Variants in CATSPERG observed in about 807,000 individuals in gnomAD.
CATSPERG encodes the protein catsper channel auxiliary subunit gamma.
Under a neutral mutation model 145.0 loss-of-function variants are expected in CATSPERG, and 115 were observed. The ratio of observed to expected loss-of-function variants is 0.79; its 90% CI spans 0.68 to 0.93. CATSPERG has a LOEUF of 0.93. Among genes scored for constraint, CATSPERG ranks in the 40% least tolerant of loss-of-function variants. CATSPERG has a pLI of 0.00. For synonymous variants in CATSPERG, 588 were observed against 589.0 expected, an observed-to-expected ratio of 1.00 and a Z score of 0.02; for missense variants, 1,296 against 1,490.1, an observed-to-expected ratio of 0.87 and a Z score of 2.14.
rs1203613330 is a variant in CATSPERG at position 38,364,983 on chromosome 19, G to A, written c.2556+12G>A. The A allele has an allele frequency of 6.2e-7, 1 of 1,613,820 alleles. No homozygotes were observed. Among genetic ancestry groups the A allele is most frequent in the Non-Finnish European group, 8.5e-7 (1 of 1,179,684 alleles). On this transcript the variant is annotated intron_variant, in intron 21 of 28. Coordinates refer to ENST00000409235, the MANE Select transcript of CATSPERG (RefSeq NM_021185.5). ...CCATGACGGTCAATGTGAGGTCCAA[G>A]CCTGGAGGGGAGGGTGCAGGATGGT...
At chr19:38,354,005 A>C (rs1251005266) in intron 8 of CATSPERG, among the ~76,000 whole-genome samples, 2 of 149,666 alleles carry the variant, frequency 1.3e-5, no homozygotes, top group Non-Finnish European at 3.0e-5. Flanking sequence ...AAAAAAAAAA[A>C]AAAAAAAAAA....
chr19:38,337,646 GGT>G lies in CATSPERG; in HGVS notation c.324+2_324+3del. The G allele has an allele frequency of 6.4e-7, 1 of 1,551,636 alleles. No homozygotes were observed. Among genetic ancestry groups the G allele is most frequent in the Non-Finnish European group, 8.7e-7 (1 of 1,146,922 alleles). On this transcript the variant is annotated splice_donor_variant, in intron 3 of 28. Coordinates refer to ENST00000409235, the MANE Select transcript of CATSPERG (RefSeq NM_021185.5). LOFTEE classifies it high-confidence loss of function. ...AGATCAACTACTCCTGCGAGGAAAA[GGT>G]GAGTGGGTGCAGCACGGATAGGCTC...
At chr19:38,348,195 G>C (rs750874371) in intron 7 of CATSPERG, among the ~76,000 whole-genome samples, 12 of 151,960 alleles carry the variant, frequency 7.9e-5, no homozygotes, top group Admixed American at 4.6e-4. Flanking sequence ...CTTTTGCTCT[G>C]TTGCCGAGGC....
chr19:38,344,777 A>C lies in CATSPERG; in HGVS notation c.669+409A>C, dbSNP rs200234907. Among the ~76,000 whole-genome samples the C allele has an allele frequency of 2.8e-4, 40 of 142,038 alleles. 3 individuals are homozygous for C. The East Asian group carries it at 8.4e-3, about 30-fold the overall frequency. 93.2% of individuals were successfully genotyped at this position (142,038 alleles called of 152,430 possible). Reference sequence around the variant, plus strand: ...ATATATAGTACATACCTGTACATACATATATAGTACATACCTGTACATACA... The same window carrying C: ...ATATATAGTACATACCTGTACATACCTATATAGTACATACCTGTACATACA... On this transcript the variant is annotated intron_variant, in intron 6 of 28. Coordinates refer to ENST00000409235, the MANE Select transcript of CATSPERG (RefSeq NM_021185.5).
Position 38,367,767 on chromosome 19 carries a change from C to G in CATSPERG, c.2921C>G (p.Pro974Arg). 1.2e-6 allele frequency: 2 copies of G among 1,614,032 alleles called. No homozygotes were observed. The highest frequency in any genetic ancestry group is 2.2e-5 in the South Asian group (2 of 91,078). Residue 974 changes from proline to arginine, a missense_variant, in exon 25 of 29, where the codon CCC (proline) becomes CGC (arginine). Pro to Arg is a moderately radical substitution (Grantham distance 103). Coordinates refer to ENST00000409235, the MANE Select transcript of CATSPERG (RefSeq NM_021185.5). ...GACGAAATCTACCGCTTCAACAGCC[C>G]CCTGGACAAGTAATCCCCGTGGGGT... ...SEDEIYRFNS[P>R]LDKTNSLIWT...
At chr19:38,347,077 G>A (rs750500871) in intron 7 of CATSPERG, among the ~76,000 whole-genome samples, 1 of 152,130 alleles carries the variant, frequency 6.6e-6, no homozygotes, top group Non-Finnish European at 1.5e-5. Flanking sequence ...CAGGGGTGGT[G>A]GCATGAGTCT....
chr19:38,360,670 G>A, intron 15 of CATSPERG, 23 bp downstream of exon 15: 1 of 1,614,138 alleles, frequency 6.2e-7, no homozygotes, highest in Non-Finnish European at 8.5e-7. Flanking sequence ...GCTATGCGGG[G>A]ACATCGGGGC....
At chr19:38,342,919 G>A (rs989419074) in intron 3 of CATSPERG, among the ~76,000 whole-genome samples, 3 of 151,926 alleles carry the variant, frequency 2.0e-5, no homozygotes, top group Admixed American at 1.3e-4. Context: ...TGTCACCCTC[G>A]TCCTCAGTCC....
intron 26 of CATSPERG, among the ~76,000 whole-genome samples, chr19:38,368,953 A>G (rs1412767306): frequency 6.6e-6 from 1 of 152,166 alleles, no homozygotes; most frequent in Non-Finnish European, 1.5e-5. Context: ...ACATGCCACC[A>G]TGCCCGGTTA....
intron 14 of CATSPERG, chr19:38,359,835 A>G (rs1970313432): frequency 1.2e-5 from 15 of 1,225,320 alleles, no homozygotes; most frequent in Non-Finnish European, 1.5e-5. Flanking sequence ...GTGGTCGTTC[A>G]CTTCATAAAT....
rs564660888 is a variant in CATSPERG, at chr19:38,367,327, C to T, written c.2770+15C>T. The T allele has an allele frequency of 9.3e-6, 15 of 1,607,232 alleles. No homozygotes were observed. The highest frequency in any genetic ancestry group is 1.3e-5 in the Non-Finnish European group (15 of 1,178,102). On this transcript the variant is annotated intron_variant, in intron 23 of 28. Transcript: ENST00000409235. ...CTTCCGGGACAGTGTGTGTCCAGTC[C>T]CTTCCCCTGCACAGTTCACTGCCCT...
Position 38,356,868 on chromosome 19 carries a change from A to C in CATSPERG, c.1315+7A>C, listed in dbSNP as rs1970253034. 6.2e-7 allele frequency: 1 copy of C among 1,613,832 alleles called. No homozygotes were observed. Among genetic ancestry groups the C allele is most frequent in the African/African-American group, 1.3e-5 (1 of 75,008 alleles). ...GTGGTCAGCTACAACACAGGTAATG[A>C]GGGTGATGCAAGGGGCTGGGCACAA... On this transcript the variant is annotated splice_region_variant and intron_variant, in intron 11 of 28. Transcript: ENST00000409235.
chr19:38,343,069 A>G (rs925963042), intron 3 of CATSPERG, among the ~76,000 whole-genome samples: 1 of 152,054 alleles, frequency 6.6e-6, no homozygotes, highest in Non-Finnish European at 1.5e-5. Context: ...TGGGGGCCAG[A>G]TGAGATGGCT....
At chr19:38,355,699 A>G (rs1281793511) in intron 9 of CATSPERG, among the ~76,000 whole-genome samples, 1 of 152,232 alleles carries the variant, frequency 6.6e-6, no homozygotes, top group Non-Finnish European at 1.5e-5. Flanking sequence ...TGTCTTAATA[A>G]TAATGATAGT....
intron 7 of CATSPERG, among the ~76,000 whole-genome samples, chr19:38,348,260 A>G (rs1232813609): frequency 6.6e-6 from 1 of 151,182 alleles, no homozygotes; most frequent in Admixed American, 6.6e-5. Flanking sequence ...CTGGACTTAA[A>G]CGATCCTCCT....
intron 20 of CATSPERG, among the ~76,000 whole-genome samples, 187 bp downstream of exon 20, chr19:38,363,019 C>G (rs11666449): frequency 6.6e-6 from 1 of 151,526 alleles, no homozygotes; most frequent in Non-Finnish European, 1.5e-5. Context: ...ACTGCAGGCA[C>G]GCACCACAGT....
chr19:38,359,652 C>T (rs529733527), intron 14 of CATSPERG, 71 bp downstream of exon 14: 17 of 1,532,458 alleles, frequency 1.1e-5, no homozygotes, highest in East Asian at 4.9e-5. Flanking sequence ...CTCTTTCCCC[C>T]GTCACAGTAA....
chr19:38,344,419 C>G (rs143341460), intron 6 of CATSPERG, 51 bp downstream of exon 6: 1 of 1,480,756 alleles, frequency 6.8e-7, no homozygotes, highest in Non-Finnish European at 9.2e-7. Context: ...CTTAGGCTGA[C>G]GCCCTGGTTA....
At chr19:38,338,386 G>C (rs1298469868) in intron 3 of CATSPERG, among the ~76,000 whole-genome samples, 1 of 152,060 alleles carries the variant, frequency 6.6e-6, no homozygotes, top group African/African-American at 2.4e-5. Context: ...CTGACCTCGT[G>C]ATCCGCCCGC....
Sources: allele counts gnomAD v4.1 joint callset (sites outside exome capture counted in the v4.1 genomes callset), GRCh38; gene constraint gnomAD v4.1.1; transcripts MANE v1.5; gene names NCBI Gene and HGNC (gene_info 2026-07-23, HGNC 2026-07-21).